PIK3C2A: variants seen among roughly 807,000 people sequenced by gnomAD.
The protein encoded by PIK3C2A is phosphatidylinositol 4-phosphate 3-kinase C2 domain-containing subunit alpha.
In PIK3C2A, 97 loss-of-function variants were observed where a neutral mutation model predicts 204.5. That is an observed-to-expected ratio of 0.47 (90% CI 0.40 to 0.56). The LOEUF (loss-of-function observed/expected upper bound fraction) is 0.56. Ranked by LOEUF, PIK3C2A falls within the 20% of genes least tolerant of loss-of-function variation. The pLI, the probability that PIK3C2A is intolerant of heterozygous loss-of-function variation, is 0.00. For missense variants in PIK3C2A, 1,735 were observed against 1,969.2 expected (o/e 0.88, Z 2.25); for synonymous variants, 653 against 664.4 (o/e 0.98, Z 0.26).
intron 1 of PIK3C2A, among the ~76,000 whole-genome samples, chr11:17,188,079 T>G (rs1304096797): frequency 1.3e-5 from 2 of 152,194 alleles, no homozygotes; most frequent in Non-Finnish European, 2.9e-5. Flanking sequence ...GGCTCACGCC[T>G]GTAATCCTAG....
intron 27 of PIK3C2A, among the ~76,000 whole-genome samples, chr11:17,094,743 T>C (rs1848405026): frequency 6.6e-6 from 1 of 152,016 alleles, no homozygotes. Context: ...TTTCCTATAT[T>C]GATCTTAGCT....
chr11:17,106,273 A>G (rs765091127), intron 22 of PIK3C2A, among the ~76,000 whole-genome samples: 4 of 148,788 alleles, frequency 2.7e-5, no homozygotes, highest in Non-Finnish European at 6.0e-5. Context: ...TTAACCAGGC[A>G]TGGTGACACA....
chr11:17,125,618 A>G (rs570400542), intron 13 of PIK3C2A, among the ~76,000 whole-genome samples: 8 of 152,084 alleles, frequency 5.3e-5, no homozygotes, highest in African/African-American at 1.4e-4. Flanking sequence ...GGGTTCAAGC[A>G]ATTCTCCCGT....
chr11:17,102,733 G>A lies in PIK3C2A; in HGVS notation c.3780C>T (p.Ser1260=), dbSNP rs1848680566. ...AGTCAATGTGAAACATGTGTCCCGTGCTTCGAAGCATTATATTGTCATTGT... is the reference window on the plus strand; with the variant it reads ...AGTCAATGTGAAACATGTGTCCCGTACTTCGAAGCATTATATTGTCATTGT... ...DRHNDNIMLR[S]TGHMFHIDFG... Residue 1260 remains serine (S), a synonymous_variant, in exon 24 of 33, where the codon AGC becomes AGT. Transcript: ENST00000691414. 2 of 1,613,762 alleles carry A rather than the reference G, an allele frequency of 1.2e-6. No individual in the cohort carries two copies. The highest frequency in any genetic ancestry group is 4.5e-5 in the East Asian group (2 of 44,854).
rs1185136525 is a variant in PIK3C2A at position 17,169,799 on chromosome 11, A to G, written c.-58T>C. The G allele has an allele frequency of 4.5e-6, 5 of 1,118,574 alleles. No individual in the cohort carries two copies. In the East Asian group the frequency reaches 7.0e-5, roughly 16 times the overall value. 69.3% of individuals were successfully genotyped at this position (1,118,574 alleles called of 1,614,324 possible). A position where few individuals can be genotyped will look rare whatever the true frequency, so the allele number is the denominator to read the frequency against. On this transcript the variant is annotated 5_prime_UTR_variant, in exon 2 of 33. Coordinates refer to ENST00000691414, the MANE Select transcript of PIK3C2A (RefSeq NM_002645.4). Reference sequence around the variant, plus strand: ...ATTTTTTTCTTGTAGCTTCCAAAATAGCAAGGCCTATACATAAAAATAAAC... The same window carrying G: ...ATTTTTTTCTTGTAGCTTCCAAAATGGCAAGGCCTATACATAAAAATAAAC...
At chr11:17,150,967 G>C (rs565795221) in intron 3 of PIK3C2A, among the ~76,000 whole-genome samples, 17 of 152,210 alleles carry the variant, frequency 1.1e-4, no homozygotes, top group Non-Finnish European at 2.2e-4. Flanking sequence ...AAAATCTTTT[G>C]CCACACAGTA....
chr11:17,104,883 C>G (rs1848757801), intron 23 of PIK3C2A, among the ~76,000 whole-genome samples: 1 of 152,108 alleles, frequency 6.6e-6, no homozygotes. Context: ...CCTCCAAGAT[C>G]TTTGGGAAAT....
chr11:17,089,730 T>A lies in PIK3C2A; in HGVS notation c.*8A>T. 1 of 1,599,950 alleles carries A rather than the reference T, an allele frequency of 6.3e-7. No homozygotes were observed. Among genetic ancestry groups the A allele is most frequent in the South Asian group, 1.1e-5 (1 of 90,568 alleles). ...GTTCATGCTTCCAAAGCTCAAACAT[T>A]CACTAGTTTACAAGTATGTTGCCGC... On this transcript the variant is annotated 3_prime_UTR_variant, in exon 33 of 33. Coordinates refer to ENST00000691414, the MANE Select transcript of PIK3C2A (RefSeq NM_002645.4).
intron 1 of PIK3C2A, among the ~76,000 whole-genome samples, chr11:17,204,641 A>C (rs1852502683): frequency 5.3e-5 from 8 of 152,186 alleles, no homozygotes; most frequent in Non-Finnish European, 1.5e-5. Context: ...GTTGTCTTCC[A>C]AATGGATGAG....
chr11:17,161,669 T>C (rs1458735601), intron 2 of PIK3C2A, among the ~76,000 whole-genome samples: 1 of 152,122 alleles, frequency 6.6e-6, no homozygotes, highest in Non-Finnish European at 1.5e-5. Flanking sequence ...CAAAGGACAC[T>C]AGATGGAAAC....
At chr11:17,195,603 C>T (rs962908747) in intron 1 of PIK3C2A, among the ~76,000 whole-genome samples, 7 of 151,888 alleles carry the variant, frequency 4.6e-5, no homozygotes, top group African/African-American at 1.7e-4. Context: ...CACCACATAG[C>T]AGTCGTTGTT....
At position 17,118,660 on chromosome 11, in the gene PIK3C2A, G is replaced by A; in HGVS notation, c.3020C>T (p.Ala1007Val). The A allele has an allele frequency of 6.9e-7, 1 of 1,448,482 alleles. No individual in the cohort carries two copies. The highest frequency in any genetic ancestry group is 9.7e-7 in the Non-Finnish European group (1 of 1,034,716). The allele number at this position is 1,448,482 out of a possible 1,614,324, so 89.7% of individuals were successfully genotyped here. Residue 1007 changes from alanine (A) to valine (V), a missense_variant, in exon 18 of 33, where the codon GCA (alanine) becomes GTA (valine). Transcript: ENST00000691414. Reference protein sequence around the residue: ...LSRALGNIQIAHNLYWLLKDA... With the variant: ...LSRALGNIQIVHNLYWLLKDA... ...TAAATCTTACCAATATAAATTGTGT[G>A]CTATCTGGATATTTCCCAATGCCCT... is the stretch of plus-strand genomic sequence containing the variant.
In PIK3C2A at chr11:17,174,358, C is replaced by T. The variant is rs1173265668; in HGVS notation, c.-65-4552G>A. Among the ~76,000 whole-genome samples, 4 of 89,858 alleles carry T rather than the reference C, an allele frequency of 4.5e-5. 1 individual carries two copies. In the Admixed American group the frequency reaches 5.0e-4, roughly 11 times the overall value. The allele number at this position is 89,858 out of a possible 152,430, so 59.0% of individuals were successfully genotyped here. A position where few individuals can be genotyped will look rare whatever the true frequency, so the allele number is the denominator to read the frequency against. ...ATCCCAGCACTTTGGGAGGCCGAGG[C>T]GGGCGGATCACGAGGTCAGGAGATC... is the stretch of plus-strand genomic sequence containing the variant. On this transcript the variant is annotated intron_variant, in intron 1 of 32. Transcript: ENST00000691414.
intron 8 of PIK3C2A, among the ~76,000 whole-genome samples, chr11:17,141,160 G>A (rs1450425853): frequency 2.0e-5 from 3 of 152,164 alleles, no homozygotes; most frequent in Admixed American, 6.5e-5. Flanking sequence ...AGGATTCTCA[G>A]TGAAGGAGTG....
chr11:17,097,436 A>G (rs1044677412), intron 26 of PIK3C2A, among the ~76,000 whole-genome samples, 172 bp from the exon 27 acceptor site: 25 of 152,178 alleles, frequency 1.6e-4, no homozygotes, highest in African/African-American at 5.3e-4. Context: ...AACACATCTC[A>G]CCCCAACAAA....
intron 18 of PIK3C2A, among the ~76,000 whole-genome samples, chr11:17,118,155 T>C (rs1298281686): frequency 6.7e-6 from 1 of 150,132 alleles, no homozygotes; most frequent in African/African-American, 2.5e-5. Context: ...CACTGCAACC[T>C]CCACCTCCCA....
intron 8 of PIK3C2A, among the ~76,000 whole-genome samples, chr11:17,141,775 GA>G (rs1167090667): frequency 6.6e-6 from 1 of 152,218 alleles, no homozygotes; most frequent in East Asian, 1.9e-4. Context: ...TAGACACTGG[GA>G]AATTAGTAAG....
chr11:17,139,583 A>G lies in PIK3C2A; in HGVS notation c.1705-2958T>C, dbSNP rs138621747. Among the ~76,000 whole-genome samples the G allele has an allele frequency of 5.8e-3, 887 of 152,264 alleles. 6 individuals carry two copies. The highest frequency in any genetic ancestry group is 0.02 in the African/African-American group (830 of 41,550). On this transcript the variant is annotated intron_variant, in intron 8 of 32. Transcript: ENST00000691414. ...CGTCTCCTGGCTGGCCCACGCTGAT[A>G]CATCTTACTACCGACATGGTCATTT...
At chr11:17,193,667 G>A in intron 1 of PIK3C2A, 1 of 240,230 alleles carries the variant, frequency 4.2e-6, no homozygotes, top group Non-Finnish European at 8.2e-6. Flanking sequence ...CCAACATGGT[G>A]AAACCCCATC....
Sources: gnomAD v4.1 joint callset for allele counts (sites outside exome capture counted in the v4.1 genomes callset) on GRCh38, gnomAD v4.1.1 for gene constraint, MANE v1.5 for transcripts, NCBI Gene and HGNC (gene_info 2026-07-23, HGNC 2026-07-21) for gene names.